PARM1: variants seen among roughly 807,000 people sequenced by gnomAD.
PARM1 encodes the protein WSC4, cell wall integrity and stress response component 4 homolog.
PARM1 carries 14 observed loss-of-function variants against 24.6 expected under a neutral mutation model. That is an observed-to-expected ratio of 0.57 (90% confidence interval 0.38 to 0.89). PARM1 has a LOEUF of 0.89. PARM1 is among the 40% of genes least tolerant of loss of function. PARM1 has a pLI of 0.00. For synonymous variants in PARM1, 179 were observed against 156.6 expected, an observed-to-expected ratio of 1.14 and a Z score of -1.07; for missense variants, 362 against 380.4, an observed-to-expected ratio of 0.95 and a Z score of 0.40.
intron 1 of PARM1, among the ~76,000 whole-genome samples, chr4:74,993,107 G>A (rs1382269894): frequency 1.3e-5 from 2 of 152,116 alleles, no homozygotes; most frequent in African/African-American, 2.4e-5. Context: ...TAAGATATCA[G>A]TTCTGAGATT....
chr4:74,973,055 A>G (rs1246032124), intron 1 of PARM1, among the ~76,000 whole-genome samples: 1 of 152,194 alleles, frequency 6.6e-6, no homozygotes, highest in East Asian at 1.9e-4. Flanking sequence ...TATTCTGAAG[A>G]TTAAAAAAAA....
chr4:74,992,622 T>C (rs1335232300), intron 1 of PARM1, among the ~76,000 whole-genome samples: 1 of 151,996 alleles, frequency 6.6e-6, no homozygotes, highest in Admixed American at 6.6e-5. Context: ...ACAATTAGTA[T>C]AGAGCAACAA....
intron 1 of PARM1, among the ~76,000 whole-genome samples, chr4:75,011,267 G>A (rs1722864756): frequency 6.6e-6 from 1 of 152,222 alleles, no homozygotes; most frequent in Non-Finnish European, 1.5e-5. Context: ...CTCAGGGGAT[G>A]TTGAAATAAT....
intron 1 of PARM1, among the ~76,000 whole-genome samples, chr4:74,985,325 T>A (rs79073271): frequency 0.027 from 4,186 of 152,262 alleles, 193 homozygotes; most frequent in African/African-American, 0.096. Flanking sequence ...ATTGGCTATG[T>A]GATTAGCTAC....
At chr4:74,975,371 A>G (rs920369518) in intron 1 of PARM1, among the ~76,000 whole-genome samples, 5 of 152,248 alleles carry the variant, frequency 3.3e-5, no homozygotes, top group African/African-American at 9.6e-5. Context: ...ATAGGATGTG[A>G]AGCTCCACCT....
At chr4:74,955,484 A>T (rs138389450) in intron 1 of PARM1, among the ~76,000 whole-genome samples, 1 of 152,310 alleles carries the variant, frequency 6.6e-6, no homozygotes, top group Non-Finnish European at 1.5e-5. Context: ...ACTTATTTGC[A>T]TTTTTTTCTT....
intron 2 of PARM1, 38 bp downstream of exon 2, chr4:75,013,188 A>G: frequency 1.9e-6 from 3 of 1,565,864 alleles, no homozygotes; most frequent in Non-Finnish European, 2.6e-6. Flanking sequence ...TCTTTACTAC[A>G]CCCTCACATT....
intron 2 of PARM1, among the ~76,000 whole-genome samples, chr4:75,026,773 GAATCCATAA>G (rs1289987180): frequency 6.6e-6 from 1 of 152,116 alleles, no homozygotes; most frequent in African/African-American, 2.4e-5. Context: ...TTCAGTCTCC[GAATCCATAA>G]AATGAAGACA....
chr4:75,037,757 C>T (rs1348424197), intron 3 of PARM1, among the ~76,000 whole-genome samples: 1 of 152,106 alleles, frequency 6.6e-6, no homozygotes, highest in Non-Finnish European at 1.5e-5. Context: ...ATTTAGGCGG[C>T]CTTGGGCAAA....
At chr4:75,007,670 G>T (rs891015930) in intron 1 of PARM1, among the ~76,000 whole-genome samples, 12 of 152,168 alleles carry the variant, frequency 7.9e-5, no homozygotes, top group Non-Finnish European at 1.3e-4. Context: ...AGAGACACGA[G>T]TTCTACACTG....
At chr4:74,988,809 C>A (rs1489285721) in intron 1 of PARM1, among the ~76,000 whole-genome samples, 1 of 152,166 alleles carries the variant, frequency 6.6e-6, no homozygotes, top group East Asian at 1.9e-4. Flanking sequence ...TAGATTTAAA[C>A]AGGCAAAATG....
At chr4:74,968,049 A>C (rs180939343) in intron 1 of PARM1, among the ~76,000 whole-genome samples, 249 of 152,312 alleles carry the variant, frequency 1.6e-3, no homozygotes, top group African/African-American at 5.5e-3. Flanking sequence ...TTTTAATTCT[A>C]GCACCATCTC....
intron 1 of PARM1, among the ~76,000 whole-genome samples, chr4:74,935,514 C>T (rs929507963): frequency 1.3e-5 from 2 of 152,142 alleles, no homozygotes; most frequent in African/African-American, 2.4e-5. Context: ...AGTGAAAGTG[C>T]ACACACATGT....
chr4:75,013,062 C>G lies in PARM1; in HGVS notation c.681C>G (p.Gly227=), dbSNP rs762055148. ...AAACACCCCCAACAACTGTGTCAGG[C>G]AAAGTGATGTGTGAGCTCATAGACA... is the stretch of plus-strand genomic sequence containing the variant. ...QEKTPPTTVS[G]KVMCELIDME... is the part of the protein sequence containing the mutation. The change falls in exon 2 of 4, where the codon GGC becomes GGG. Residue 227 remains glycine (G), a synonymous_variant. Transcript: ENST00000307428. 7 of 1,613,850 alleles carry G rather than the reference C, an allele frequency of 4.3e-6. No homozygotes were observed. Among genetic ancestry groups the G allele is most frequent in the Non-Finnish European group, 5.9e-6 (7 of 1,179,876 alleles).
In PARM1 at chr4:75,012,737, C is replaced by A. The variant is rs752860123; in HGVS notation, c.356C>A (p.Thr119Lys). Residue 119 changes from threonine to lysine, a missense_variant, in exon 2 of 4, where the codon ACA (threonine) becomes AAA (lysine). Transcript: ENST00000307428. ...TCAACAAGCGGTGGAGTCCACTTAA[C>A]AACCACGTTGGAGGAACACAGCTCG... ...FSSTSGGVHL[T>K]TTLEEHSSGT... 1.2e-6 allele frequency: 2 copies of A among 1,613,838 alleles called. No homozygotes were observed. Among genetic ancestry groups the A allele is most frequent in the East Asian group, 4.5e-5 (2 of 44,896 alleles).
chr4:74,948,953 C>G (rs867681896), intron 1 of PARM1, among the ~76,000 whole-genome samples: 1 of 151,944 alleles, frequency 6.6e-6, no homozygotes, highest in Admixed American at 6.5e-5. Flanking sequence ...ACCCAGGAGG[C>G]GGAGGTTGCA....
At chr4:74,988,101 CT>C (rs1448448784) in intron 1 of PARM1, among the ~76,000 whole-genome samples, 3 of 152,040 alleles carry the variant, frequency 2.0e-5, no homozygotes, top group African/African-American at 7.2e-5. Flanking sequence ...GTAGGCATGG[CT>C]GTTTATACAA....
chr4:74,957,937 G>T (rs1721676464), intron 1 of PARM1, among the ~76,000 whole-genome samples: 2 of 152,228 alleles, frequency 1.3e-5, no homozygotes, highest in East Asian at 1.9e-4. Context: ...CATGCCTGGT[G>T]CATGGTAGGG....
At chr4:74,961,279 G>A (rs1314860816) in intron 1 of PARM1, among the ~76,000 whole-genome samples, 2 of 151,970 alleles carry the variant, frequency 1.3e-5, no homozygotes, top group African/African-American at 4.8e-5. Context: ...AAATATCAAA[G>A]AAAAGTGAGC....
Sources: allele counts gnomAD v4.1 joint callset (sites outside exome capture counted in the v4.1 genomes callset), GRCh38; gene constraint gnomAD v4.1.1; transcripts MANE v1.5; gene names NCBI Gene and HGNC (gene_info 2026-07-23, HGNC 2026-07-21).